C10orf90: variants seen among roughly 807,000 people sequenced by gnomAD.
The protein encoded by C10orf90 is chromosome 10 open reading frame 90.
C10orf90 carries 56 observed loss-of-function variants against 62.5 expected under a neutral mutation model. The ratio of observed to expected loss-of-function variants is 0.90; its 90% CI spans 0.72 to 1.12. The LOEUF is 1.12. C10orf90 is among the 50% of genes most tolerant of loss of function. The pLI, the probability that C10orf90 is intolerant of heterozygous loss-of-function variation, is 0.00. For synonymous variants in C10orf90, 386 were observed against 340.4 expected (o/e 1.13, Z -1.47); for missense variants, 970 against 880.4 (o/e 1.10, Z -1.29).
intron 7 of C10orf90, among the ~76,000 whole-genome samples, chr10:126,454,438 C>T (rs569961211): frequency 6.6e-6 from 1 of 151,898 alleles, no homozygotes; most frequent in East Asian, 1.9e-4. Context: ...GAGGTTGTAA[C>T]TTTACTACCT....
At chr10:126,577,875 G>T (rs1218973628) in intron 2 of C10orf90, among the ~76,000 whole-genome samples, 1 of 152,118 alleles carries the variant, frequency 6.6e-6, no homozygotes, top group Non-Finnish European at 1.5e-5. Context: ...ATACCGTAAT[G>T]TAATGAGGAA....
intron 3 of C10orf90, 50 bp downstream of exon 3, chr10:126,513,798 T>G: frequency 8.5e-7 from 1 of 1,177,150 alleles, no homozygotes; most frequent in Admixed American, 1.7e-5. Flanking sequence ...TTATATTTTA[T>G]AGATGGGTGC....
At chr10:126,641,913 C>T (rs1011325636) in intron 2 of C10orf90, among the ~76,000 whole-genome samples, 1 of 152,156 alleles carries the variant, frequency 6.6e-6, no homozygotes, top group African/African-American at 2.4e-5. Context: ...CCCACCCTTC[C>T]CAGTCTTGGA....
rs193005446 is a variant in C10orf90 at position 126,454,666 on chromosome 10, C to G, written c.2188+4374G>C. ...CTTGCAGGTACTGTCCCCACTATGACCTGCAGGGGCTGTGCCTGATGCTTC... is the reference window on the plus strand; with the variant it reads ...CTTGCAGGTACTGTCCCCACTATGAGCTGCAGGGGCTGTGCCTGATGCTTC... On this transcript the variant is annotated intron_variant, in intron 7 of 9. Transcript: ENST00000488181. Among the ~76,000 whole-genome samples the G allele has an allele frequency of 5.1e-3, 776 of 152,180 alleles. 11 individuals are homozygous for G. Among genetic ancestry groups the G allele is most frequent in the African/African-American group, 0.018 (738 of 41,482 alleles).
At chr10:126,474,097 C>T (rs1424606937) in intron 4 of C10orf90, among the ~76,000 whole-genome samples, 1 of 152,176 alleles carries the variant, frequency 6.6e-6, no homozygotes, top group Non-Finnish European at 1.5e-5. Flanking sequence ...ACCTCAGAGC[C>T]ACTGAATCCG....
chr10:126,586,559 T>TAC (rs1844874692), intron 2 of C10orf90, among the ~76,000 whole-genome samples: 2 of 152,126 alleles, frequency 1.3e-5, no homozygotes, highest in Admixed American at 6.5e-5. Flanking sequence ...AAATGGCCAT[T>TAC]TACATCCTTT....
intron 4 of C10orf90, among the ~76,000 whole-genome samples, chr10:126,501,753 A>C (rs1862394322): frequency 6.6e-6 from 1 of 152,144 alleles, no homozygotes; most frequent in Non-Finnish European, 1.5e-5. Flanking sequence ...GAATGAAATC[A>C]TGTCTTTTGC....
intron 2 of C10orf90, among the ~76,000 whole-genome samples, chr10:126,527,430 TG>T: frequency 6.6e-6 from 1 of 152,212 alleles, no homozygotes; most frequent in East Asian, 1.9e-4. Context: ...TTAGGATTTC[TG>T]GGGAAAAGGT....
chr10:126,468,358 C>T (rs912782683), intron 4 of C10orf90, among the ~76,000 whole-genome samples: 12 of 152,174 alleles, frequency 7.9e-5, no homozygotes, highest in African/African-American at 2.7e-4. Context: ...TGAGCCGCCG[C>T]GCCTGGCCAA....
At chr10:126,668,240 GC>G (rs1454885715) in intron 1 of C10orf90, among the ~76,000 whole-genome samples, 2 of 152,228 alleles carry the variant, frequency 1.3e-5, no homozygotes, top group East Asian at 3.8e-4. Context: ...CAGATAACCA[GC>G]CAGTTTCTTT....
At chr10:126,437,017 C>T (rs187601412) in intron 7 of C10orf90, among the ~76,000 whole-genome samples, 30 of 152,228 alleles carry the variant, frequency 2.0e-4, no homozygotes, top group Admixed American at 9.2e-4. Context: ...GCAATGCCAA[C>T]GACCACTGTT....
intron 2 of C10orf90, among the ~76,000 whole-genome samples, chr10:126,580,709 C>T (rs1844730736): frequency 6.6e-6 from 1 of 151,090 alleles, no homozygotes; most frequent in African/African-American, 2.4e-5. Flanking sequence ...CTCCACAGCA[C>T]AAACAAGAAG....
intron 5 of C10orf90, among the ~76,000 whole-genome samples, chr10:126,464,458 GAGTACTGGCCTTGCCCACAGTGGTCTT>G (rs1444250836): frequency 6.6e-6 from 1 of 152,172 alleles, no homozygotes; most frequent in East Asian, 1.9e-4. Flanking sequence ...AGCCTCAAGG[GAGTACTGGCCTTGCCCACAGTGGTCTT>G]GAAAATCCCC....
chr10:126,642,414 C>T (rs947149852), intron 2 of C10orf90, among the ~76,000 whole-genome samples: 15 of 152,092 alleles, frequency 9.9e-5, no homozygotes, highest in South Asian at 2.1e-4. Context: ...CGCCTGTAGT[C>T]CCAGCTACTC....
chr10:126,624,676 G>A (rs574095804), intron 2 of C10orf90, among the ~76,000 whole-genome samples: 1 of 152,270 alleles, frequency 6.6e-6, no homozygotes, highest in South Asian at 2.1e-4. Context: ...TCCTGCTTAT[G>A]TTACTTATCC....
intron 4 of C10orf90, among the ~76,000 whole-genome samples, chr10:126,485,614 T>C (rs1482461238): frequency 6.6e-6 from 1 of 152,068 alleles, no homozygotes; most frequent in African/African-American, 2.4e-5. Context: ...AGACTAGATA[T>C]CACAAAAATT....
At chr10:126,592,695 G>T (rs1403419052) in intron 2 of C10orf90, among the ~76,000 whole-genome samples, 1 of 152,170 alleles carries the variant, frequency 6.6e-6, no homozygotes, top group Non-Finnish European at 1.5e-5. Context: ...TGACAAATGG[G>T]ATCTAATTAA....
At chr10:126,440,092 A>G (rs1858206970) in intron 7 of C10orf90, among the ~76,000 whole-genome samples, 2 of 152,154 alleles carry the variant, frequency 1.3e-5, no homozygotes, top group Non-Finnish European at 2.9e-5. Context: ...TTGCATGCAG[A>G]CTCCACAGGC....
intron 2 of C10orf90, among the ~76,000 whole-genome samples, chr10:126,530,380 G>A (rs1035913481): frequency 1.3e-5 from 2 of 151,476 alleles, no homozygotes; most frequent in Non-Finnish European, 2.9e-5. Context: ...AATTTCTATT[G>A]TCAGGAATAA....
Sources: allele counts gnomAD v4.1 joint callset (sites outside exome capture counted in the v4.1 genomes callset), GRCh38; gene constraint gnomAD v4.1.1; transcripts MANE v1.5; gene names NCBI Gene and HGNC (gene_info 2026-07-23, HGNC 2026-07-21).